The following VBP1 variants were observed in gnomAD, a reference collection of about 807,000 sequenced individuals.
VBP1 encodes prefoldin subunit 3.
VBP1 carries 4 observed loss-of-function variants against 15.5 expected under a neutral mutation model. The observed-to-expected ratio is 0.26, with a 90% CI of 0.13 to 0.59. The LOEUF is 0.59. VBP1 is among the 20% of genes least tolerant of loss of function. VBP1 has a pLI of 0.90. For missense variants in VBP1, 108 were observed against 139.6 expected (o/e 0.77, Z 1.14); for synonymous variants, 61 against 52.1 (o/e 1.17, Z -0.74).
intron 2 of VBP1, 39 bp from the exon 3 acceptor site, chrX:155,227,196 G>C (rs782470500): frequency 5.2e-6 from 6 of 1,145,810 alleles, no homozygotes; most frequent in Non-Finnish European, 7.1e-6. Context: ...GTTTATTTTT[G>C]CCTGCAAAAT....
In VBP1 at chrX:155,227,274, A is replaced by G. The variant is rs782298290; in HGVS notation, c.258A>G (p.Glu86=). ...TTCCTGAAATTAAACAGACTTTGGA[A>G]ATTCTAAAATACATGCAGAAGAAAA... ...GQIPEIKQTL[E]ILKYMQKKKE... is the part of the protein sequence containing the mutation. Residue 86 remains glutamate (E), a synonymous_variant, in exon 3 of 6, where the codon GAA becomes GAG. Transcript: ENST00000286428. 3.4e-6 allele frequency: 4 copies of G among 1,174,904 alleles called. No individual in the cohort carries two copies. Among genetic ancestry groups the G allele is most frequent in the Non-Finnish European group, 4.5e-6 (4 of 881,740 alleles).
At chrX:155,210,238 C>T (rs1211342410) in intron 2 of VBP1, among the ~76,000 whole-genome samples, 1 of 110,869 alleles carries the variant, frequency 9.0e-6, no homozygotes, top group African/African-American at 3.3e-5. Context: ...GACTTGAAGC[C>T]AGGAGTTTGG....
intron 1 of VBP1, among the ~76,000 whole-genome samples, chrX:155,206,256 CAG>C (rs1569560870): frequency 1.9e-5 from 2 of 106,421 alleles, no homozygotes; most frequent in African/African-American, 6.8e-5. Flanking sequence ...TTTTTTGAGA[CAG>C]AGTCTTGCTC....
chrX:155,228,278 G>A (rs1557310432), intron 3 of VBP1, 106 bp from the exon 4 acceptor site: 2 of 596,954 alleles, frequency 3.4e-6, no homozygotes, highest in Non-Finnish European at 5.2e-6. Flanking sequence ...CCTGCATGAT[G>A]GTACTGTTTT....
chrX:155,234,357 G>A (rs1274824363), intron 4 of VBP1, among the ~76,000 whole-genome samples: 2 of 109,981 alleles, frequency 1.8e-5, no homozygotes, highest in African/African-American at 6.6e-5. Flanking sequence ...CTGACCTCAA[G>A]TGATCCACTC....
chrX:155,197,890 C>T (rs1047428941), intron 1 of VBP1, among the ~76,000 whole-genome samples: 17 of 112,224 alleles, frequency 1.5e-4, no homozygotes, highest in African/African-American at 5.2e-4. Context: ...CCTGGAAAAT[C>T]GGGTCACTCC....
intron 1 of VBP1, among the ~76,000 whole-genome samples, chrX:155,199,714 A>C (rs1459856328): frequency 3.6e-5 from 4 of 112,029 alleles, no homozygotes; most frequent in East Asian, 2.8e-4. Context: ...CGAGCAAAAT[A>C]ACCAGCTAAC....
chrX:155,234,184 G>A (rs1602895848), intron 4 of VBP1, among the ~76,000 whole-genome samples: 1 of 91,431 alleles, frequency 1.1e-5, no homozygotes, highest in South Asian at 6.3e-4. Context: ...GCAGTGACGT[G>A]ATCTTGGGTC....
Position 155,238,896 on chromosome X carries a change from C to G in VBP1, c.*54C>G. Reference sequence around the variant, plus strand: ...TTCCAAACATGTTATCTTAAATACCCCTTTATCCTTACAGGTTGACATAAC... The same window carrying G: ...TTCCAAACATGTTATCTTAAATACCGCTTTATCCTTACAGGTTGACATAAC... On this transcript the variant is annotated 3_prime_UTR_variant, in exon 6 of 6. Transcript: ENST00000286428. 1 of 956,470 alleles carries G rather than the reference C, an allele frequency of 1.0e-6. No homozygotes were observed. Among genetic ancestry groups the G allele is most frequent in the Non-Finnish European group, 1.4e-6 (1 of 699,553 alleles). The allele number at this position is 956,470 out of a possible 1,213,427, so 78.8% of individuals were successfully genotyped here.
At chrX:155,218,015 A>G (rs1487766537) in intron 1 of VBP1, among the ~76,000 whole-genome samples, 2 of 111,640 alleles carry the variant, frequency 1.8e-5, no homozygotes, top group African/African-American at 6.5e-5. Flanking sequence ...TTGAATTTCC[A>G]TAGGGCCTTA....
chrX:155,236,468 G>T, intron 5 of VBP1, 101 bp downstream of exon 5: 1 of 961,653 alleles, frequency 1.0e-6, no homozygotes, highest in Non-Finnish European at 1.4e-6. Context: ...AAAAATAGCT[G>T]ATGCATGCTG....
chrX:155,236,421 A>G (rs1557311590), intron 5 of VBP1, 54 bp downstream of exon 5: 1 of 1,156,568 alleles, frequency 8.6e-7, no homozygotes, highest in Non-Finnish European at 1.2e-6. Context: ...ATTTTTTTAA[A>G]AAAACATTCT....
At chrX:155,231,501 C>A (rs1557310865) in intron 4 of VBP1, among the ~76,000 whole-genome samples, 1 of 112,284 alleles carries the variant, frequency 8.9e-6, no homozygotes, top group Non-Finnish European at 1.9e-5. Context: ...TTTACCAGTT[C>A]CCTGACACAT....
chrX:155,208,472 A>G (rs1489445135), intron 1 of VBP1, among the ~76,000 whole-genome samples: 3 of 112,460 alleles, frequency 2.7e-5, no homozygotes, highest in African/African-American at 9.7e-5. Flanking sequence ...CATGAAAGAT[A>G]CATACATACC....
upstream of VBP1, among the ~76,000 whole-genome samples, chrX:155,214,877 A>G (rs920007851): frequency 1.9e-5 from 2 of 107,580 alleles, no homozygotes; most frequent in Non-Finnish European, 3.8e-5. Flanking sequence ...GAATTGGTAT[A>G]CAACTTTCTA....
chrX:155,210,597 A>G (rs1557308438), intron 2 of VBP1, among the ~76,000 whole-genome samples: 1 of 111,897 alleles, frequency 8.9e-6, no homozygotes, highest in Non-Finnish European at 1.9e-5. Flanking sequence ...AGATCTAGTC[A>G]TGACTCTCAT....
upstream of VBP1, chrX:155,216,254 T>G: frequency 3.1e-6 from 2 of 652,855 alleles, no homozygotes; most frequent in Non-Finnish European, 4.4e-6. Flanking sequence ...CGCTCCAGCT[T>G]CTCTTTCGCG....
chrX:155,219,669 C>T (rs781840304), intron 1 of VBP1, among the ~76,000 whole-genome samples: 1 of 111,757 alleles, frequency 8.9e-6, no homozygotes, highest in Admixed American at 9.5e-5. Context: ...ACTAGGGATG[C>T]ATGGGAAATG....
chrX:155,201,854 GA>G (rs1377356642), intron 1 of VBP1, among the ~76,000 whole-genome samples: 7 of 111,387 alleles, frequency 6.3e-5, no homozygotes, highest in African/African-American at 2.3e-4. Context: ...TGTGTATCTA[GA>G]AAACCCCATT....
Sources: allele counts gnomAD v4.1 joint callset (sites outside exome capture counted in the v4.1 genomes callset), GRCh38; gene constraint gnomAD v4.1.1; transcripts MANE v1.5; gene names NCBI Gene and HGNC (gene_info 2026-07-23, HGNC 2026-07-21).